Variants in BICD1 observed in about 807,000 individuals in gnomAD.
BICD1 encodes protein bicaudal D homolog 1.
In BICD1, 35 loss-of-function variants were observed where a neutral mutation model predicts 92.5. The ratio of observed to expected loss-of-function variants is 0.38; its 90% CI spans 0.29 to 0.50. BICD1 has a LOEUF of 0.50. Among genes scored for constraint, BICD1 ranks in the 20% least tolerant of loss-of-function variants. The pLI is 0.93. For missense variants in BICD1, 950 were observed against 1,189.8 expected, an observed-to-expected ratio of 0.80 and a Z score of 2.97; for synonymous variants, 429 against 465.1, an observed-to-expected ratio of 0.92 and a Z score of 1.00.
intron 1 of BICD1, chr12:32,107,797 A>T (rs1045640562): frequency 1.4e-6 from 1 of 700,244 alleles, no homozygotes; most frequent in Non-Finnish European, 2.6e-6. Flanking sequence ...GGAGATTAGT[A>T]AGAGTCATCA....
At chr12:32,209,663 G>A (rs933695998) in intron 1 of BICD1, among the ~76,000 whole-genome samples, 2 of 152,132 alleles carry the variant, frequency 1.3e-5, no homozygotes, top group Non-Finnish European at 2.9e-5. Context: ...TTAAAGAGGC[G>A]TCATGGCAGT....
intron 2 of BICD1, among the ~76,000 whole-genome samples, chr12:32,247,377 C>T (rs1946415977): frequency 6.6e-6 from 1 of 152,118 alleles, no homozygotes; most frequent in Non-Finnish European, 1.5e-5. Flanking sequence ...ACATTTTAAG[C>T]CATGGGCTTG....
chr12:32,349,868 G>C (rs574091208), intron 8 of BICD1, among the ~76,000 whole-genome samples: 1 of 152,266 alleles, frequency 6.6e-6, no homozygotes, highest in African/African-American at 2.4e-5. Context: ...TGATTTCTCT[G>C]TCAAAATGGG....
At chr12:32,373,538 C>T (rs75066408) in intron 9 of BICD1, among the ~76,000 whole-genome samples, 8,966 of 152,264 alleles carry the variant, frequency 0.059, 380 homozygotes, top group Middle Eastern at 0.15. Flanking sequence ...TAGCTACACA[C>T]TTCAGCTGGT....
At chr12:32,115,947 C>T (rs1941875091) in intron 1 of BICD1, among the ~76,000 whole-genome samples, 1 of 152,060 alleles carries the variant, frequency 6.6e-6, no homozygotes. Flanking sequence ...CCCTTCTTTG[C>T]CCTCTGAAAG....
chr12:32,322,215 T>C (rs1004754219), intron 4 of BICD1, among the ~76,000 whole-genome samples: 17 of 152,030 alleles, frequency 1.1e-4, no homozygotes, highest in Non-Finnish European at 2.4e-4. Context: ...TATATTTATA[T>C]GTGTATAATA....
chr12:32,306,841 C>T (rs925922051), intron 4 of BICD1, among the ~76,000 whole-genome samples: 34 of 151,378 alleles, frequency 2.2e-4, no homozygotes, highest in Non-Finnish European at 4.4e-5. Flanking sequence ...ATGGTAAAAC[C>T]CCATCGCTAC....
chr12:32,365,849 C>T (rs778984895), intron 8 of BICD1, among the ~76,000 whole-genome samples: 2 of 152,148 alleles, frequency 1.3e-5, no homozygotes, highest in Admixed American at 1.3e-4. Context: ...GAATCTGGAG[C>T]TAATCAATGC....
At chr12:32,343,756 A>T (rs752711350) in intron 8 of BICD1, among the ~76,000 whole-genome samples, 40 of 152,120 alleles carry the variant, frequency 2.6e-4, no homozygotes, top group Admixed American at 5.2e-4. Context: ...TGTTTCTGTG[A>T]TATTTTGCTT....
At chr12:32,329,580 A>C (rs958575696) in intron 5 of BICD1, among the ~76,000 whole-genome samples, 5 of 152,226 alleles carry the variant, frequency 3.3e-5, no homozygotes, top group African/African-American at 1.2e-4. Flanking sequence ...CACTTTAGCA[A>C]GGAAATAATA....
chr12:32,261,687 T>C (rs916413213), intron 2 of BICD1, among the ~76,000 whole-genome samples: 3 of 152,212 alleles, frequency 2.0e-5, no homozygotes, highest in African/African-American at 7.2e-5. Flanking sequence ...CTGGAAGAGA[T>C]TCTACTACTG....
At chr12:32,119,195 G>A (rs570848873) in intron 1 of BICD1, among the ~76,000 whole-genome samples, 11 of 152,304 alleles carry the variant, frequency 7.2e-5, no homozygotes, top group African/African-American at 2.4e-4. Context: ...ACCATGCTCT[G>A]TAAAAATGAC....
chr12:32,110,429 C>G (rs1010488572), intron 1 of BICD1, among the ~76,000 whole-genome samples: 2 of 152,206 alleles, frequency 1.3e-5, no homozygotes, highest in Non-Finnish European at 2.9e-5. Context: ...AGGATGACTT[C>G]TGACATCATC....
intron 3 of BICD1, among the ~76,000 whole-genome samples, chr12:32,300,698 C>T (rs1227695854): frequency 8.1e-6 from 1 of 123,558 alleles, no homozygotes; most frequent in African/African-American, 3.0e-5. Context: ...GGCTGGAGTG[C>T]AGTGGAAGCA....
At position 32,148,142 on chromosome 12, in the gene BICD1, C is replaced by CAAA. The variant is rs10525262; in HGVS notation, c.213+40606_213+40608dup. Among the ~76,000 whole-genome samples, 179 of 60,590 alleles carry CAAA rather than the reference C, an allele frequency of 3.0e-3. 4 individuals are homozygous for CAAA. Among genetic ancestry groups the CAAA allele is most frequent in the Admixed American group, 9.4e-3 (39 of 4,140 alleles). The allele number at this position is 60,590 out of a possible 152,430, so 39.7% of individuals were successfully genotyped here. On this transcript the variant is annotated intron_variant, in intron 1 of 9. Transcript: ENST00000652176. ...GGGTGACAGAGCGAGACTCCGTCTCCAAAAAAAAAAGAATCTGAGAAGCAG... is the reference window on the plus strand; with the variant it reads ...GGGTGACAGAGCGAGACTCCGTCTCCAAAAAAAAAAAAAGAATCTGAGAAGCAG...
At chr12:32,282,757 G>A (rs1947454460) in intron 2 of BICD1, among the ~76,000 whole-genome samples, 1 of 152,088 alleles carries the variant, frequency 6.6e-6, no homozygotes, top group African/African-American at 2.4e-5. Flanking sequence ...CAGATGTCTG[G>A]GAAGCCACAC....
intron 8 of BICD1, among the ~76,000 whole-genome samples, chr12:32,345,322 T>A (rs571483415): frequency 6.6e-6 from 1 of 151,694 alleles, no homozygotes; most frequent in Non-Finnish European, 1.5e-5. Context: ...CACAAAATTG[T>A]CAACCACATG....
chr12:32,237,719 G>A (rs935400306), intron 2 of BICD1, among the ~76,000 whole-genome samples: 1 of 151,992 alleles, frequency 6.6e-6, no homozygotes, highest in African/African-American at 2.4e-5. Context: ...TTTATCAAAC[G>A]TTTAAAGCCT....
At chr12:32,182,270 C>CT (rs1944292023) in intron 1 of BICD1, among the ~76,000 whole-genome samples, 1 of 99,376 alleles carries the variant, frequency 1.0e-5, no homozygotes, top group Non-Finnish European at 2.2e-5. Flanking sequence ...TTCTTTCTTT[C>CT]TTTCTTTCTT....
Sources: allele counts gnomAD v4.1 joint callset (sites outside exome capture counted in the v4.1 genomes callset), GRCh38; gene constraint gnomAD v4.1.1; transcripts MANE v1.5; gene names NCBI Gene and HGNC (gene_info 2026-07-23, HGNC 2026-07-21).